The following ARHGAP6 variants were observed in gnomAD, a reference collection of about 807,000 sequenced individuals.
ARHGAP6 encodes Rho GTPase activating protein 6.
Under a neutral mutation model 55.7 loss-of-function variants are expected in ARHGAP6, and 16 were observed. That is an observed-to-expected ratio of 0.29 (90% confidence interval 0.19 to 0.44). The LOEUF (loss-of-function observed/expected upper bound fraction) is 0.44. Ranked by LOEUF, ARHGAP6 falls within the 20% of genes least tolerant of loss-of-function variation. ARHGAP6 has a pLI of 1.00. For missense variants in ARHGAP6, 698 were observed against 808.9 expected (o/e 0.86, Z 1.66); for synonymous variants, 382 against 360.9 (o/e 1.06, Z -0.66).
intron 1 of ARHGAP6, among the ~76,000 whole-genome samples, chrX:11,318,021 A>G (rs186217168): frequency 1.8e-5 from 2 of 112,234 alleles, no homozygotes; most frequent in African/African-American, 3.2e-5. Context: ...GTTAAAAGCA[A>G]AAGGAAATAT....
intron 1 of ARHGAP6, among the ~76,000 whole-genome samples, chrX:11,359,059 C>T (rs779703876): frequency 7.1e-5 from 8 of 111,992 alleles, no homozygotes; most frequent in Non-Finnish European, 1.5e-4. Context: ...GTAAATTCCC[C>T]ATTCATTAAT....
At chrX:11,253,689 A>T (rs1602964452) in intron 2 of ARHGAP6, among the ~76,000 whole-genome samples, 1 of 111,710 alleles carries the variant, frequency 9.0e-6, no homozygotes, top group Non-Finnish European at 1.9e-5. Flanking sequence ...GGCAGATCAC[A>T]AGGTCAAGGG....
At chrX:11,211,277 A>T (rs2046793007) in intron 2 of ARHGAP6, among the ~76,000 whole-genome samples, 2 of 101,769 alleles carry the variant, frequency 2.0e-5, no homozygotes, top group South Asian at 9.5e-4. Context: ...GCTGGAGTGC[A>T]CTGGCGCGAT....
chrX:11,520,131 T>A (rs866331004), intron 1 of ARHGAP6, among the ~76,000 whole-genome samples: 4 of 18,261 alleles, frequency 2.2e-4, no homozygotes, highest in Non-Finnish European at 3.0e-4. Flanking sequence ...AGAATTGATT[T>A]TATATATATA....
At chrX:11,645,059 T>C (rs766226405) in intron 1 of ARHGAP6, among the ~76,000 whole-genome samples, 1 of 111,589 alleles carries the variant, frequency 9.0e-6, no homozygotes, top group Non-Finnish European at 1.9e-5. Flanking sequence ...ACAAAGACAT[T>C]ATATTGAGCA....
intron 1 of ARHGAP6, among the ~76,000 whole-genome samples, chrX:11,335,373 C>T (rs752429994): frequency 9.0e-6 from 1 of 111,327 alleles, no homozygotes; most frequent in East Asian, 2.8e-4. Flanking sequence ...TCTCCCCTAG[C>T]CCCCAACCCC....
chrX:11,618,090 T>C (rs2052185986), intron 1 of ARHGAP6, among the ~76,000 whole-genome samples: 1 of 111,567 alleles, frequency 9.0e-6, no homozygotes, highest in African/African-American at 3.3e-5. Context: ...GAAGAAGTTA[T>C]ACTGCTGGCT....
intron 1 of ARHGAP6, among the ~76,000 whole-genome samples, chrX:11,591,299 A>G (rs1325090544): frequency 9.1e-6 from 1 of 110,345 alleles, no homozygotes; most frequent in African/African-American, 3.3e-5. Flanking sequence ...AGAATTACAG[A>G]CAAACAATAG....
intron 8 of ARHGAP6, among the ~76,000 whole-genome samples, chrX:11,172,502 C>G (rs1169797609): frequency 9.6e-6 from 1 of 104,070 alleles, no homozygotes; most frequent in Non-Finnish European, 2.0e-5. Context: ...AGGGTTTTCT[C>G]ATTTTTTAAA....
intron 1 of ARHGAP6, among the ~76,000 whole-genome samples, chrX:11,540,184 G>T (rs1463379952): frequency 9.2e-6 from 1 of 108,147 alleles, no homozygotes; most frequent in Non-Finnish European, 1.9e-5. Flanking sequence ...AACTCAGAAG[G>T]TGGAGGTTGC....
intron 1 of ARHGAP6, among the ~76,000 whole-genome samples, chrX:11,398,257 T>C (rs747271123): frequency 4.1e-4 from 38 of 92,895 alleles, no homozygotes; most frequent in Non-Finnish European, 6.2e-4. Flanking sequence ...ACTGCGTAAG[T>C]GCTATAAAAA....
chrX:11,261,250 G>T (rs754620142), intron 1 of ARHGAP6, among the ~76,000 whole-genome samples: 1 of 111,362 alleles, frequency 9.0e-6, no homozygotes, highest in Non-Finnish European at 1.9e-5. Context: ...AATAGGTGAC[G>T]CGGGGAAGAG....
chrX:11,176,774 C>T (rs753724469), intron 8 of ARHGAP6, among the ~76,000 whole-genome samples: 5 of 111,426 alleles, frequency 4.5e-5, no homozygotes, highest in African/African-American at 1.6e-4. Context: ...TTATAGTATG[C>T]CCATCAAAGA....
chrX:11,624,277 G>T (rs1203055612), intron 1 of ARHGAP6, among the ~76,000 whole-genome samples: 1 of 112,491 alleles, frequency 8.9e-6, no homozygotes, highest in Non-Finnish European at 1.9e-5. Context: ...ACTACTAGAA[G>T]AAAACAACAG....
intron 2 of ARHGAP6, among the ~76,000 whole-genome samples, chrX:11,243,787 C>G (rs1045404248): frequency 8.9e-6 from 1 of 111,972 alleles, no homozygotes; most frequent in African/African-American, 3.2e-5. Context: ...TTCTACTATG[C>G]CTTTTCTATG....
At chrX:11,490,527 T>G (rs747872714) in intron 1 of ARHGAP6, among the ~76,000 whole-genome samples, 2 of 112,069 alleles carry the variant, frequency 1.8e-5, no homozygotes, top group East Asian at 5.6e-4. Flanking sequence ...GTGCTTGGAC[T>G]CCTGACCTAT....
chrX:11,263,418 C>T (rs1431773486), intron 1 of ARHGAP6, among the ~76,000 whole-genome samples: 2 of 111,588 alleles, frequency 1.8e-5, no homozygotes, highest in East Asian at 5.6e-4. Context: ...TACGCAGTCT[C>T]AGGTATTTTT....
At chrX:11,534,488 C>T (rs2051083072) in intron 1 of ARHGAP6, among the ~76,000 whole-genome samples, 1 of 110,342 alleles carries the variant, frequency 9.1e-6, no homozygotes, top group Non-Finnish European at 1.9e-5. Context: ...ACATCCCTGG[C>T]CTCTACCCAC....
At chrX:11,253,792 C>A (rs1308213259) in intron 2 of ARHGAP6, among the ~76,000 whole-genome samples, 4 of 109,991 alleles carry the variant, frequency 3.6e-5, no homozygotes, top group Non-Finnish European at 7.6e-5. Flanking sequence ...ATAATCCCAG[C>A]TACTTGGGAG....
Sources: allele counts gnomAD v4.1 joint callset (sites outside exome capture counted in the v4.1 genomes callset), GRCh38; gene constraint gnomAD v4.1.1; transcripts MANE v1.5; gene names NCBI Gene and HGNC (gene_info 2026-07-23, HGNC 2026-07-21).